MIA2: variants seen among roughly 807,000 people sequenced by gnomAD.
The protein encoded by MIA2 is MIA SH3 domain ER export factor 2, also known as melanoma inhibitory activity protein 2.
In MIA2, 127 loss-of-function variants were observed where a neutral mutation model predicts 167.8. The ratio of observed to expected loss-of-function variants is 0.76; its 90% CI spans 0.66 to 0.88. The LOEUF (loss-of-function observed/expected upper bound fraction) is 0.88. Among genes scored for constraint, MIA2 ranks in the 40% least tolerant of loss-of-function variants. The pLI is 0.00. For missense variants in MIA2, 1,690 were observed against 1,624.7 expected, an observed-to-expected ratio of 1.04 and a Z score of -0.69; for synonymous variants, 552 against 541.9, an observed-to-expected ratio of 1.02 and a Z score of -0.26.
At chr14:39,377,070 G>A (rs949304774) in intron 23 of MIA2, among the ~76,000 whole-genome samples, 2 of 152,022 alleles carry the variant, frequency 1.3e-5, no homozygotes, top group Non-Finnish European at 2.9e-5. Flanking sequence ...AAATCTTTCA[G>A]ATAAAGCATT....
intron 25 of MIA2, among the ~76,000 whole-genome samples, chr14:39,332,376 A>G (rs909000758): frequency 2.0e-5 from 3 of 152,086 alleles, no homozygotes; most frequent in African/African-American, 7.2e-5. Context: ...GCTTCCTTGC[A>G]TTAGGTTAGA....
chr14:39,374,667 G>C (rs2075013009), intron 23 of MIA2, among the ~76,000 whole-genome samples: 1 of 152,126 alleles, frequency 6.6e-6, no homozygotes, highest in Non-Finnish European at 1.5e-5. Flanking sequence ...GGCAGTTAAG[G>C]AGGCTGTCCT....
chr14:39,355,129 T>C (rs2139245884), downstream of MIA2, among the ~76,000 whole-genome samples: 1 of 151,166 alleles, frequency 6.6e-6, no homozygotes, highest in African/African-American at 2.4e-5. Context: ...TGGCATTGAA[T>C]CTATAAATTA....
intron 6 of MIA2, among the ~76,000 whole-genome samples, chr14:39,255,260 C>A (rs895146627): frequency 6.6e-6 from 1 of 152,170 alleles, no homozygotes; most frequent in African/African-American, 2.4e-5. Context: ...GTAATCCCAG[C>A]ACTTTGGGAG....
intron 6 of MIA2, among the ~76,000 whole-genome samples, chr14:39,259,457 A>C (rs1456088553): frequency 6.6e-6 from 1 of 152,222 alleles, no homozygotes; most frequent in East Asian, 1.9e-4. Flanking sequence ...GGCAAGAGTA[A>C]TCTGAAAATT....
At chr14:39,250,628 G>A (rs1361284552) in intron 4 of MIA2, among the ~76,000 whole-genome samples, 4 of 151,472 alleles carry the variant, frequency 2.6e-5, no homozygotes, top group South Asian at 2.1e-4. Context: ...CCCGGGAGGC[G>A]GAGGTTGCAG....
chr14:39,370,851 A>G (rs2074927188), intron 23 of MIA2: 1 of 152,552 alleles, frequency 6.6e-6, no homozygotes, highest in Non-Finnish European at 1.5e-5. Flanking sequence ...AGTCTTTTAA[A>G]TAGAAAACTA....
rs1306798427 is a variant in MIA2 at position 39,304,364 on chromosome 14, CAAAG to C, written c.2862_2865del (p.Glu956SerfsTer36). Reference sequence around the variant, plus strand: ...ATTCAGTTGTCTGAAGTTGATAAAACAAAGGAAGAGCTTACAGGTAGGTCATTGA... The same window carrying C: ...ATTCAGTTGTCTGAAGTTGATAAAACGAAGAGCTTACAGGTAGGTCATTGA... On this transcript the variant is annotated frameshift_variant, in exon 17 of 29. Transcript: ENST00000640607. LOFTEE classifies it high-confidence loss of function. The C allele has an allele frequency of 1.9e-6, 3 of 1,564,774 alleles. No homozygotes were observed. Among genetic ancestry groups the C allele is most frequent in the Non-Finnish European group, 1.7e-6 (2 of 1,153,988 alleles).
At chr14:39,288,467 A>G (rs1344496057) in intron 9 of MIA2, among the ~76,000 whole-genome samples, 676 of 51,532 alleles carry the variant, frequency 0.013, 85 homozygotes, top group African/African-American at 0.054. Context: ...ATATATATAT[A>G]TATATATATT....
chr14:39,235,800 A>G (rs1296211508), intron 1 of MIA2, among the ~76,000 whole-genome samples: 1 of 152,064 alleles, frequency 6.6e-6, no homozygotes, highest in African/African-American at 2.4e-5. Context: ...ATAAAGAAAA[A>G]AAAATTTTTC....
chr14:39,383,013 T>C (rs1435604851), intron 23 of MIA2, among the ~76,000 whole-genome samples: 4 of 138,218 alleles, frequency 2.9e-5, no homozygotes, highest in African/African-American at 1.1e-4. Flanking sequence ...ACAGTAGGCC[T>C]TCTGTGGGTC....
chr14:39,234,893 T>C (rs548835064), intron 1 of MIA2, among the ~76,000 whole-genome samples: 38 of 152,154 alleles, frequency 2.5e-4, no homozygotes, highest in Non-Finnish European at 4.4e-4. Flanking sequence ...TGTTATTAGT[T>C]TTATGGTGCA....
rs1376436311 is a variant in MIA2 at position 39,238,810 on chromosome 14, A to AC, written c.250-1751_250-1750insC. On this transcript the variant is annotated intron_variant, in intron 2 of 28. Transcript: ENST00000640607. ...CCCTGTCTCAAAAAAAAAAAAAAAA[A>AC]ACCCAAAAAACAAAAAAACCTAGCT... 3.6e-4 allele frequency among the ~76,000 whole-genome samples: 51 copies of AC among 142,024 alleles called. 3 individuals carry two copies. Among genetic ancestry groups the AC allele is most frequent in the African/African-American group, 1.3e-3 (47 of 35,984 alleles). 93.2% of individuals were successfully genotyped at this position (142,024 alleles called of 152,430 possible).
At chr14:39,328,954 T>C (rs1475212991) in intron 25 of MIA2, among the ~76,000 whole-genome samples, 2 of 152,322 alleles carry the variant, frequency 1.3e-5, no homozygotes, top group Admixed American at 1.3e-4. Context: ...TATGGGCTTT[T>C]TTTTGCTTCT....
chr14:39,253,113 T>C lies in MIA2; in HGVS notation c.1829T>C (p.Ile610Thr), dbSNP rs770816708. 5.6e-6 allele frequency: 9 copies of C among 1,604,954 alleles called. No homozygotes were observed. The South Asian group carries it at 6.7e-5, about 12-fold the overall frequency. ...EFQILKYLFQ[I>T]DVYDFMNSAF... ...CAGATTCTGAAATACTTATTCCAAA[T>C]TGATGTTTATGATTTCATGAATTCT... Residue 610 changes from isoleucine (I) to threonine (T), a missense_variant, in exon 6 of 29, where the codon ATT (isoleucine) becomes ACT (threonine). Transcript: ENST00000640607.
intron 16 of MIA2, among the ~76,000 whole-genome samples, chr14:39,303,867 T>C (rs2062906918): frequency 1.3e-5 from 2 of 151,794 alleles, no homozygotes; most frequent in South Asian, 4.1e-4. Context: ...CTATATCCTA[T>C]TTTAAGTAAA....
intron 25 of MIA2, among the ~76,000 whole-genome samples, chr14:39,327,693 C>T (rs2067867031): frequency 6.6e-6 from 1 of 152,214 alleles, no homozygotes; most frequent in Middle Eastern, 3.4e-3. Flanking sequence ...TATTCAACTC[C>T]CACTTATGAG....
At chr14:39,292,420 C>G (rs1232678176) in intron 10 of MIA2, among the ~76,000 whole-genome samples, 2 of 151,952 alleles carry the variant, frequency 1.3e-5, no homozygotes, top group East Asian at 3.8e-4. Context: ...ATAGTATTTT[C>G]AGTAATAGTA....
intron 23 of MIA2, among the ~76,000 whole-genome samples, chr14:39,381,506 T>G (rs1228790990): frequency 6.6e-6 from 1 of 152,128 alleles, no homozygotes; most frequent in Non-Finnish European, 1.5e-5. Context: ...AGGACTTGAT[T>G]TAAGGACCAA....
Sources: allele counts gnomAD v4.1 joint callset (sites outside exome capture counted in the v4.1 genomes callset), GRCh38; gene constraint gnomAD v4.1.1; transcripts MANE v1.5; gene names NCBI Gene and HGNC (gene_info 2026-07-23, HGNC 2026-07-21).